Variants in RPL7A observed in about 807,000 individuals in gnomAD.
RPL7A encodes the protein large ribosomal subunit protein eL8.
For missense variants in RPL7A, 291 were observed against 338.2 expected, an observed-to-expected ratio of 0.86 and a Z score of 1.09; for synonymous variants, 158 against 128.2, an observed-to-expected ratio of 1.23 and a Z score of -1.57.
chr9:133,348,818 G>T, intron 1 of RPL7A, 104 bp from the exon 2 acceptor site: 1 of 1,573,074 alleles, frequency 6.4e-7, no homozygotes, highest in Non-Finnish European at 8.7e-7. Flanking sequence ...CTTAGTTCAG[G>T]CAGGTGCTGT....
In RPL7A at chr9:133,348,266, G is replaced by A. The variant is rs2129977466; in HGVS notation, c.3+20G>A. On this transcript the variant is annotated intron_variant, in intron 1 of 7. Coordinates refer to ENST00000323345, the MANE Select transcript of RPL7A (RefSeq NM_000972.3). ...AAGATGGTGAGTGAGCTGTAGTTCC[G>A]TGGCACTATAGCCAGGTTCCGGCTG... 3.1e-6 allele frequency: 5 copies of A among 1,614,014 alleles called. No individual in the cohort carries two copies. In the South Asian group the frequency reaches 3.3e-5, roughly 11 times the overall value.
intron 1 of RPL7A, 21 bp downstream of exon 1, chr9:133,348,267 T>C (rs2129977484): frequency 1.2e-6 from 2 of 1,614,076 alleles, no homozygotes; most frequent in South Asian, 1.1e-5. Flanking sequence ...TGTAGTTCCG[T>C]GGCACTATAG....
rs2129995426 is a variant in RPL7A, at chr9:133,350,700, C to T, written c.599C>T (p.Thr200Ile). 3.0e-5 allele frequency: 48 copies of T among 1,614,038 alleles called. No homozygotes were observed. Among genetic ancestry groups the T allele is most frequent in the Non-Finnish European group, 3.6e-5 (43 of 1,179,988 alleles). The change falls in exon 6 of 8, where the codon ACC (threonine) becomes ATC (isoleucine). Residue 200 changes from threonine to isoleucine, a missense_variant. Coordinates refer to ENST00000323345, the MANE Select transcript of RPL7A (RefSeq NM_000972.3). ...LGRLVHRKTC[T>I]TVAFTQVNSE... Reference sequence around the variant, plus strand: ...CGTCTAGTCCACAGGAAGACCTGCACCACTGTCGCCTTCACACAGGTGAAC... The same window carrying T: ...CGTCTAGTCCACAGGAAGACCTGCATCACTGTCGCCTTCACACAGGTGAAC...
At position 133,351,091 on chromosome 9, in the gene RPL7A, C is replaced by T. The variant is rs782023512; in HGVS notation, c.696+20C>T. On this transcript the variant is annotated intron_variant, in intron 7 of 7. Transcript: ENST00000323345. Reference sequence around the variant, plus strand: ...GATGAGGTAAGAGGCAGCTTTACACCAAAATACTGTCATTCACAAATCTTT... The same window carrying T: ...GATGAGGTAAGAGGCAGCTTTACACTAAAATACTGTCATTCACAAATCTTT... The T allele has an allele frequency of 6.2e-7, 1 of 1,608,590 alleles. No individual in the cohort carries two copies. Among genetic ancestry groups the T allele is most frequent in the African/African-American group, 1.3e-5 (1 of 74,774 alleles).
At position 133,348,622 on chromosome 9, in the gene RPL7A, G is replaced by A. The variant is rs1836283717; in HGVS notation, c.4-300G>A. On this transcript the variant is annotated intron_variant, in intron 1 of 7. Coordinates refer to ENST00000323345, the MANE Select transcript of RPL7A (RefSeq NM_000972.3). The stretch of plus-strand genomic sequence containing the variant: ...CCCCTGTTGCTTCTAGAGCCTGTGG[G>A]GCCGCGACTCAGAGGAGTCATGAGT... 8.0e-6 allele frequency: 5 copies of A among 627,800 alleles called. No homozygotes were observed. The South Asian group carries it at 8.5e-5, about 11-fold the overall frequency. The allele number at this position is 627,800 out of a possible 1,614,324, so 38.9% of individuals were successfully genotyped here. A position where few individuals can be genotyped will look rare whatever the true frequency, so the allele number is the denominator to read the frequency against.
chr9:133,349,576 C>A lies in RPL7A; in HGVS notation c.150C>A (p.Asp50Glu). 1 of 1,614,080 alleles carries A rather than the reference C, an allele frequency of 6.2e-7. No homozygotes were observed. The highest frequency in any genetic ancestry group is 2.2e-5 in the East Asian group (1 of 44,886). ...GIGQDIQPKR[D>E]LTRFVKWPRY... ...GACAGGACATCCAGCCCAAAAGAGA[C>A]CTCACCCGCTTTGTGAAATGGCCCC... The change falls in exon 3 of 8, where the codon GAC becomes GAA. Residue 50 changes from aspartate (D) to glutamate (E), a missense_variant. Transcript: ENST00000323345.
rs2129977382 is a variant in RPL7A, at chr9:133,348,259, T to C, written c.3+13T>C. On this transcript the variant is annotated intron_variant, in intron 1 of 7. Coordinates refer to ENST00000323345, the MANE Select transcript of RPL7A (RefSeq NM_000972.3). ...GCCGCCCAAGATGGTGAGTGAGCTGTAGTTCCGTGGCACTATAGCCAGGTT... is the reference window on the plus strand; with the variant it reads ...GCCGCCCAAGATGGTGAGTGAGCTGCAGTTCCGTGGCACTATAGCCAGGTT... The C allele has an allele frequency of 1.2e-6, 2 of 1,614,092 alleles. No homozygotes were observed. Among genetic ancestry groups the C allele is most frequent in the Non-Finnish European group, 1.7e-6 (2 of 1,179,982 alleles).
Position 133,350,331 on chromosome 9 carries a change from T to C in RPL7A, c.495+12T>C. The C allele has an allele frequency of 6.2e-7, 1 of 1,613,790 alleles. No homozygotes were observed. The highest frequency in any genetic ancestry group is 8.5e-7 in the Non-Finnish European group (1 of 1,179,796). On this transcript the variant is annotated intron_variant, in intron 5 of 7. Coordinates refer to ENST00000323345, the MANE Select transcript of RPL7A (RefSeq NM_000972.3). ...TGGATCCCATCGAGGTGCGTTTGCCTGTTGACTGCTAACCCAAGGGCTTCT... is the reference window on the plus strand; with the variant it reads ...TGGATCCCATCGAGGTGCGTTTGCCCGTTGACTGCTAACCCAAGGGCTTCT...
chr9:133,348,707 C>A, intron 1 of RPL7A: 1 of 764,900 alleles, frequency 1.3e-6, no homozygotes, highest in Non-Finnish European at 2.3e-6. Context: ...TAGCCTTGCT[C>A]TGGCCACTCG....
Position 133,351,407 on chromosome 9 carries a change from A to C in RPL7A, c.*41A>C, listed in dbSNP as rs1307352682. Reference sequence around the variant, plus strand: ...TTTTCTGTACATAAAAATAATTGAAATAATACAAATTTTCCTTCAGCCAGT... The same window carrying C: ...TTTTCTGTACATAAAAATAATTGAACTAATACAAATTTTCCTTCAGCCAGT... On this transcript the variant is annotated 3_prime_UTR_variant, in exon 8 of 8. Coordinates refer to ENST00000323345, the MANE Select transcript of RPL7A (RefSeq NM_000972.3). 2 of 1,415,398 alleles carry C rather than the reference A, an allele frequency of 1.4e-6. No homozygotes were observed. The highest frequency in any genetic ancestry group is 9.8e-7 in the Non-Finnish European group (1 of 1,015,904). The allele number at this position is 1,415,398 out of a possible 1,614,324, so 87.7% of individuals were successfully genotyped here.
intron 6 of RPL7A, 83 bp downstream of exon 6, chr9:133,350,810 A>T (rs1210790302): frequency 1.9e-6 from 3 of 1,590,302 alleles, no homozygotes; most frequent in African/African-American, 2.7e-5. Context: ...CTTAAAGGCC[A>T]ATCTTTTAGT....
intron 1 of RPL7A, chr9:133,348,698 A>C (rs2129980028): frequency 1.4e-6 from 1 of 736,244 alleles, no homozygotes; most frequent in South Asian, 1.5e-5. Context: ...TCTCGGGCTT[A>C]GCCTTGCTCT....
rs782721794 is a variant in RPL7A, at chr9:133,349,698, C to G, written c.272C>G (p.Thr91Arg). 6.2e-7 allele frequency: 1 copy of G among 1,613,906 alleles called. No homozygotes were observed. The highest frequency in any genetic ancestry group is 8.5e-7 in the Non-Finnish European group (1 of 1,179,888). ...TTCACCCAGGCCCTGGACCGCCAAA[C>G]AGGTGAGGTTCTGTGGCGTGGAAAG... Reference protein sequence around the residue: ...NQFTQALDRQTATQLLKLAHK... With the variant: ...NQFTQALDRQRATQLLKLAHK... The change falls in exon 3 of 8, where the codon ACA becomes AGA. Residue 91 changes from threonine to arginine, a missense_variant and splice_region_variant. Physicochemically the swap from Thr to Arg is moderately conservative, Grantham distance 71 (BLOSUM62 -1). Coordinates refer to ENST00000323345, the MANE Select transcript of RPL7A (RefSeq NM_000972.3).
Position 133,350,617 on chromosome 9 carries a change from C to T in RPL7A, c.516C>T (p.Ala172=), listed in dbSNP as rs2129995049. The change falls in exon 6 of 8, where the codon GCC becomes GCT. Residue 172 remains alanine, a synonymous_variant. Transcript: ENST00000323345. ...TCCAGCTGGTTGTCTTCTTGCCTGCCCTGTGTCGTAAAATGGGGGTCCCTT... is the reference window on the plus strand; with the variant it reads ...TCCAGCTGGTTGTCTTCTTGCCTGCTCTGTGTCGTAAAATGGGGGTCCCTT... ...DPIELVVFLP[A]LCRKMGVPYC... The T allele has an allele frequency of 1.2e-6, 2 of 1,613,900 alleles. No individual in the cohort carries two copies. Among genetic ancestry groups the T allele is most frequent in the Non-Finnish European group, 1.7e-6 (2 of 1,179,976 alleles).
Position 133,349,035 on chromosome 9 carries a change from T to C in RPL7A, c.117T>C (p.Phe39=). The change falls in exon 2 of 8, where the codon TTT becomes TTC. Residue 39 remains phenylalanine, a synonymous_variant. Coordinates refer to ENST00000323345, the MANE Select transcript of RPL7A (RefSeq NM_000972.3). ...NPLFEKRPKN[F]GIGQDIQPKR... ...TGTTTGAGAAAAGGCCTAAGAATTT[T>C]GGCATTGGTAAGTAACAAACGGCAG... 1 of 1,613,780 alleles carries C rather than the reference T, an allele frequency of 6.2e-7. No homozygotes were observed. The highest frequency in any genetic ancestry group is 8.5e-7 in the Non-Finnish European group (1 of 1,179,880).
rs781842733 is a variant in RPL7A, at chr9:133,349,986, C to G, written c.349C>G (p.Arg117Gly). 6.2e-7 allele frequency: 1 copy of G among 1,612,466 alleles called. No homozygotes were observed. Among genetic ancestry groups the G allele is most frequent in the South Asian group, 1.1e-5 (1 of 91,006 alleles). The change falls in exon 4 of 8, where the codon CGG becomes GGG. Residue 117 changes from arginine to glycine, a missense_variant. Arg to Gly is a moderately radical substitution (Grantham distance 125). Coordinates refer to ENST00000323345, the MANE Select transcript of RPL7A (RefSeq NM_000972.3). Reference sequence around the variant, plus strand: ...AGAGAAGAAGCAGAGACTGTTGGCCCGGGCCGAGAAGAAGGCTGCTGGCAA... The same window carrying G: ...AGAGAAGAAGCAGAGACTGTTGGCCGGGGCCGAGAAGAAGGCTGCTGGCAA... ...KQEKKQRLLA[R>G]AEKKAAGKGD...
chr9:133,350,470 A>G, intron 5 of RPL7A, 127 bp from the exon 6 acceptor site: 1 of 1,538,370 alleles, frequency 6.5e-7, no homozygotes, highest in Middle Eastern at 1.7e-4. Flanking sequence ...AATGATGTGA[A>G]TCTCTCACTG....
In RPL7A at chr9:133,349,985, C is replaced by T. The variant is rs2129990328; in HGVS notation, c.348C>T (p.Ala116=). ...TKQEKKQRLL[A]RAEKKAAGKG... is the part of the protein sequence containing the mutation. ...AAGAGAAGAAGCAGAGACTGTTGGC[C>T]CGGGCCGAGAAGAAGGCTGCTGGCA... is the stretch of plus-strand genomic sequence containing the variant. The change falls in exon 4 of 8, where the codon GCC becomes GCT. Residue 116 remains alanine, a synonymous_variant. Transcript: ENST00000323345. 6.2e-7 allele frequency: 1 copy of T among 1,612,448 alleles called. No homozygotes were observed. The highest frequency in any genetic ancestry group is 8.5e-7 in the Non-Finnish European group (1 of 1,180,026).
intron 6 of RPL7A, 66 bp downstream of exon 6, chr9:133,350,793 C>T (rs1016266943): frequency 1.2e-6 from 2 of 1,603,982 alleles, no homozygotes; most frequent in South Asian, 1.1e-5. Flanking sequence ...CAGTTGTTTC[C>T]TTTTGCCTTA....
Sources: gnomAD v4.1 joint callset for allele counts on GRCh38, gnomAD v4.1.1 for gene constraint, MANE v1.5 for transcripts, NCBI Gene and HGNC (gene_info 2026-07-23, HGNC 2026-07-21) for gene names.